Variants in CDIN1 observed in about 807,000 individuals in gnomAD.
CDIN1 encodes the protein CDAN1-interacting nuclease 1.
Under a neutral mutation model 45.3 loss-of-function variants are expected in CDIN1, and 33 were observed. The observed-to-expected ratio is 0.73, with a 90% CI of 0.55 to 0.97. The LOEUF (loss-of-function observed/expected upper bound fraction) is 0.97, where lower values mean the gene tolerates loss of function less well. Ranked by LOEUF, CDIN1 falls within the 50% of genes least tolerant of loss-of-function variation. The probability of loss-of-function intolerance (pLI) is 0.00; values close to 1 mark genes in which losing one functional copy is unlikely to be tolerated. For synonymous variants in CDIN1, 118 were observed against 124.4 expected (o/e 0.95, Z 0.34); for missense variants, 303 against 339.4 (o/e 0.89, Z 0.84).
chr15:36,705,418 A>G (rs1232839417), intron 8 of CDIN1: 1 of 152,172 alleles, frequency 6.6e-6, no homozygotes, highest in Non-Finnish European at 1.5e-5. Context: ...TCAAATTTAA[A>G]TATTTGCATA....
chr15:36,685,613 T>C, intron 5 of CDIN1, among the ~76,000 whole-genome samples: 1 of 151,804 alleles, frequency 6.6e-6, no homozygotes, highest in Non-Finnish European at 1.5e-5. Context: ...ACCATCAGAG[T>C]GAACAGGCAA....
intron 1 of CDIN1, among the ~76,000 whole-genome samples, chr15:36,599,772 A>G (rs1595725060): frequency 6.6e-6 from 1 of 152,210 alleles, no homozygotes; most frequent in Admixed American, 6.5e-5. Flanking sequence ...ACAGTGATCC[A>G]GGGCTCCTCA....
intron 10 of CDIN1, among the ~76,000 whole-genome samples, chr15:36,791,980 A>C (rs1477548628): frequency 6.6e-6 from 1 of 152,186 alleles, no homozygotes; most frequent in Non-Finnish European, 1.5e-5. Flanking sequence ...ACACATATTA[A>C]TCAGCTAATG....
chr15:36,644,085 C>T (rs890015275), intron 1 of CDIN1, among the ~76,000 whole-genome samples, 193 bp from the exon 2 acceptor site: 1 of 152,192 alleles, frequency 6.6e-6, no homozygotes, highest in Non-Finnish European at 1.5e-5. Context: ...TTTCCCCTTT[C>T]CTTTTTTCTC....
At chr15:36,598,368 A>G (rs76039503) in intron 1 of CDIN1, among the ~76,000 whole-genome samples, 1,549 of 143,420 alleles carry the variant, frequency 0.011, 26 homozygotes, top group African/African-American at 0.037. Flanking sequence ...AGTCCATTGG[A>G]AACAAAAGGT....
At chr15:36,672,774 C>T (rs1264962635) in intron 5 of CDIN1, among the ~76,000 whole-genome samples, 4 of 149,878 alleles carry the variant, frequency 2.7e-5, no homozygotes, top group South Asian at 2.1e-4. Flanking sequence ...GGTTGATCAG[C>T]GCCGAATCTT....
intron 8 of CDIN1, chr15:36,705,574 T>C (rs1287130353): frequency 6.6e-6 from 1 of 152,192 alleles, no homozygotes; most frequent in East Asian, 1.9e-4. Context: ...TAAATTGGAA[T>C]GTTGGACTAG....
At chr15:36,592,067 C>A (rs1035391674) in intron 1 of CDIN1, among the ~76,000 whole-genome samples, 4 of 144,542 alleles carry the variant, frequency 2.8e-5, no homozygotes, top group Non-Finnish European at 6.1e-5. Context: ...TAGAAAGCAG[C>A]TCTAGATCTG....
At chr15:36,617,115 A>T (rs2038933181) in intron 1 of CDIN1, 4 of 923,822 alleles carry the variant, frequency 4.3e-6, no homozygotes, top group Admixed American at 1.7e-5. Context: ...AGCAGGTAAC[A>T]TCTAAAGGAA....
At chr15:36,688,262 A>C (rs1313465041) in intron 5 of CDIN1, among the ~76,000 whole-genome samples, 2 of 152,156 alleles carry the variant, frequency 1.3e-5, no homozygotes, top group African/African-American at 4.8e-5. Context: ...ATTAAAAAAA[A>C]AAAGCTTATA....
At chr15:36,731,481 A>G (rs915866145) in intron 10 of CDIN1, among the ~76,000 whole-genome samples, 2 of 152,146 alleles carry the variant, frequency 1.3e-5, no homozygotes, top group African/African-American at 4.8e-5. Flanking sequence ...TATTAGCTAA[A>G]GCTGTTGCAA....
chr15:36,682,999 C>T (rs2140636252), intron 5 of CDIN1, among the ~76,000 whole-genome samples: 1 of 152,204 alleles, frequency 6.6e-6, no homozygotes, highest in Admixed American at 6.5e-5. Flanking sequence ...CATTGAGCAG[C>T]TCATTAGCTG....
intron 10 of CDIN1, chr15:36,734,274 TG>T (rs570514523): frequency 1.2e-3 from 355 of 297,660 alleles, no homozygotes; most frequent in African/African-American, 6.3e-3. Flanking sequence ...GTGCATATGC[TG>T]TTTGTTTTAA....
intron 3 of CDIN1, among the ~76,000 whole-genome samples, chr15:36,651,651 G>T (rs1019337970): frequency 6.6e-6 from 1 of 151,816 alleles, no homozygotes; most frequent in African/African-American, 2.4e-5. Flanking sequence ...AATGTATGTG[G>T]CACCTCACTA....
chr15:36,589,657 C>A (rs1180380357), intron 1 of CDIN1, among the ~76,000 whole-genome samples: 3 of 152,304 alleles, frequency 2.0e-5, no homozygotes, highest in African/African-American at 7.2e-5. Context: ...AGGCGCCCGC[C>A]ACCACGCCCG....
chr15:36,716,252 G>A (rs1463250758), intron 10 of CDIN1, among the ~76,000 whole-genome samples: 4 of 152,080 alleles, frequency 2.6e-5, no homozygotes, highest in South Asian at 2.1e-4. Flanking sequence ...GAATGACTTC[G>A]TGTTGACACC....
chr15:36,644,586 G>C (rs2040237627), intron 2 of CDIN1, among the ~76,000 whole-genome samples: 1 of 152,060 alleles, frequency 6.6e-6, no homozygotes, highest in Non-Finnish European at 1.5e-5. Flanking sequence ...TAATTTCCCT[G>C]TGTTGCGTGG....
chr15:36,686,811 GGAGA>G (rs1161026332), intron 5 of CDIN1, among the ~76,000 whole-genome samples: 2 of 135,092 alleles, frequency 1.5e-5, no homozygotes, highest in Admixed American at 7.5e-5. Context: ...ATGGAGGGAG[GGAGA>G]GAGAGAGAGG....
rs879679037 is a variant in CDIN1, at chr15:36,776,500, T to TCTA, written c.717-31824_717-31823insCTA. ...CATCAGAATCCTTGTTCTATGCCAG[T>TCTA]GCCAAGTCACATAGAGCTAAAAAAT... is the stretch of plus-strand genomic sequence containing the variant. On this transcript the variant is annotated intron_variant, in intron 10 of 10. Transcript: ENST00000566621. Among the ~76,000 whole-genome samples the TCTA allele has an allele frequency of 2.4e-3, 365 of 152,360 alleles. 1 individual carries two copies. In the Middle Eastern group the frequency reaches 0.041, roughly 17 times the overall value.
Sources: allele counts gnomAD v4.1 joint callset (sites outside exome capture counted in the v4.1 genomes callset), GRCh38; gene constraint gnomAD v4.1.1; transcripts MANE v1.5; gene names NCBI Gene and HGNC (gene_info 2026-07-23, HGNC 2026-07-21).